The following PPHLN1 variants were observed in gnomAD, a reference collection of about 807,000 sequenced individuals.
The protein encoded by PPHLN1 is periphilin-1.
Under a neutral mutation model 51.3 loss-of-function variants are expected in PPHLN1, and 29 were observed. The ratio of observed to expected loss-of-function variants is 0.57; its 90% confidence interval spans 0.42 to 0.77. The LOEUF is 0.77. PPHLN1 is among the 30% of genes least tolerant of loss of function. PPHLN1 has a pLI of 0.00. For synonymous variants in PPHLN1, 147 were observed against 147.8 expected (o/e 0.99, Z 0.04); for missense variants, 436 against 438.4 (o/e 0.99, Z 0.05).
At chr12:42,375,131 C>G in intron 5 of PPHLN1, 57 bp downstream of exon 5, 1 of 1,298,138 alleles carries the variant, frequency 7.7e-7, no homozygotes, top group South Asian at 1.4e-5. Context: ...TGAGAATGTA[C>G]TGAGTCAGAT....
chr12:42,351,828 T>C, intron 2 of PPHLN1, 57 bp from the exon 3 acceptor site: 2 of 1,456,684 alleles, frequency 1.4e-6, no homozygotes, highest in South Asian at 2.9e-5. Context: ...TAAAAACCTT[T>C]CCAAAACCAA....
At chr12:42,438,595 G>GT in intron 9 of PPHLN1, among the ~76,000 whole-genome samples, 1 of 151,908 alleles carries the variant, frequency 6.6e-6, no homozygotes, top group East Asian at 1.9e-4. Flanking sequence ...CTGTTTTTTT[G>GT]TTTTTTGTTT....
downstream of PPHLN1, chr12:42,446,735 A>G (rs1257971744): frequency 6.7e-6 from 9 of 1,340,232 alleles, no homozygotes; most frequent in Non-Finnish European, 9.1e-6. Flanking sequence ...AGGAGAAGCT[A>G]TAAGGAAAGA....
chr12:42,348,324 G>A (rs1485072597), intron 2 of PPHLN1, among the ~76,000 whole-genome samples: 1 of 129,440 alleles, frequency 7.7e-6, no homozygotes. Flanking sequence ...GTTTCACCGT[G>A]TTGGCCAGGC....
At chr12:42,429,789 C>T (rs997970649) in intron 9 of PPHLN1, among the ~76,000 whole-genome samples, 2 of 152,178 alleles carry the variant, frequency 1.3e-5, no homozygotes, top group African/African-American at 2.4e-5. Context: ...TAACCCATAT[C>T]GAGAAGATGC....
intron 1 of PPHLN1, among the ~76,000 whole-genome samples, chr12:42,334,997 A>T (rs2070371224): frequency 1.3e-5 from 2 of 152,152 alleles, no homozygotes; most frequent in African/African-American, 4.8e-5. Context: ...TTGAAGAAAA[A>T]TTTGCCAACT....
chr12:42,398,949 C>T lies in PPHLN1; in HGVS notation c.864C>T (p.Thr288=), dbSNP rs41447749. The change falls in exon 9 of 10, where the codon ACC becomes ACT. Residue 288 remains threonine, a synonymous_variant. Transcript: ENST00000358314. ...AATTATTTGAAGATAGTCAGCTAAC[C>T]ACTCGCTCTAAAGCAATAGCATCAA... ...GIELFEDSQL[T]TRSKAIASKT... The T allele has an allele frequency of 1.2e-3, 1,990 of 1,614,006 alleles. 70 individuals are homozygous for T. In the East Asian group the frequency reaches 0.031, roughly 26 times the overall value.
chr12:42,329,357 G>A (rs1592137645), intron 1 of PPHLN1, among the ~76,000 whole-genome samples: 3 of 150,950 alleles, frequency 2.0e-5, no homozygotes, highest in South Asian at 4.2e-4. Flanking sequence ...CGCCCCCCTC[G>A]GCCTCCCAAA....
At chr12:42,331,044 C>G (rs1298486012) in intron 1 of PPHLN1, among the ~76,000 whole-genome samples, 2 of 152,170 alleles carry the variant, frequency 1.3e-5, no homozygotes, top group African/African-American at 4.8e-5. Flanking sequence ...TTATGTCTTC[C>G]TTTTCTACAT....
downstream of PPHLN1, chr12:42,446,637 CTG>C (rs1305936756): frequency 1.2e-6 from 2 of 1,612,790 alleles, no homozygotes; most frequent in East Asian, 2.2e-5. Flanking sequence ...CCTGACAAAA[CTG>C]TTGCTGCACA....
chr12:42,385,065 G>A (rs2077081469), intron 6 of PPHLN1, 69 bp downstream of exon 6: 1 of 1,445,934 alleles, frequency 6.9e-7, no homozygotes. Flanking sequence ...TAGCGGTTAT[G>A]GAAATGGGGA....
intron 4 of PPHLN1, among the ~76,000 whole-genome samples, chr12:42,370,688 C>T (rs995778642): frequency 2.6e-5 from 4 of 152,182 alleles, no homozygotes; most frequent in Non-Finnish European, 4.4e-5. Context: ...CATTCCTTCC[C>T]ATCTTCCCTC....
chr12:42,327,292 A>C (rs116608753), intron 1 of PPHLN1, among the ~76,000 whole-genome samples: 17 of 152,140 alleles, frequency 1.1e-4, no homozygotes, highest in Middle Eastern at 3.4e-3. Flanking sequence ...TACATATTCA[A>C]CTTCTTTAGT....
At chr12:42,393,349 A>G (rs1251297367) in intron 7 of PPHLN1, among the ~76,000 whole-genome samples, 3 of 152,126 alleles carry the variant, frequency 2.0e-5, no homozygotes, top group Non-Finnish European at 4.4e-5. Flanking sequence ...TCTTATGTAA[A>G]TGAAATTAAG....
chr12:42,388,833 T>A (rs575378334), intron 7 of PPHLN1, among the ~76,000 whole-genome samples: 2 of 152,284 alleles, frequency 1.3e-5, no homozygotes, highest in Non-Finnish European at 1.5e-5. Context: ...TCCTAGCTAT[T>A]CAGGAGGCTG....
chr12:42,393,806 A>C, intron 8 of PPHLN1, 117 bp downstream of exon 8: 1 of 1,016,990 alleles, frequency 9.8e-7, no homozygotes. Context: ...TATGGATTAC[A>C]GGTATTAAAA....
chr12:42,387,851 C>T (rs1381733141), intron 7 of PPHLN1, among the ~76,000 whole-genome samples: 1 of 152,212 alleles, frequency 6.6e-6, no homozygotes, highest in African/African-American at 2.4e-5. Flanking sequence ...AACTTTGCCC[C>T]AACCTTGAGC....
intron 5 of PPHLN1, among the ~76,000 whole-genome samples, chr12:42,375,900 C>A (rs1035351833): frequency 6.6e-6 from 1 of 152,186 alleles, no homozygotes; most frequent in Non-Finnish European, 1.5e-5. Flanking sequence ...ATGTGCAAGG[C>A]ACTGTGTTAA....
chr12:42,446,056 G>A (rs773589983), downstream of PPHLN1: 4 of 1,547,318 alleles, frequency 2.6e-6, no homozygotes, highest in African/African-American at 1.4e-5. Flanking sequence ...TGAAGGAAAC[G>A]ACCCTGCAGG....
Sources: gnomAD v4.1 joint callset for allele counts (sites outside exome capture counted in the v4.1 genomes callset) on GRCh38, gnomAD v4.1.1 for gene constraint, MANE v1.5 for transcripts, NCBI Gene and HGNC (gene_info 2026-07-23, HGNC 2026-07-21) for gene names.